The following ACER3 variants were observed in gnomAD, a reference collection of about 807,000 sequenced individuals.
The protein encoded by ACER3 is alkCDase 3.
In ACER3, 16 loss-of-function variants were observed where a neutral mutation model predicts 48.9. The observed-to-expected ratio is 0.33, with a 90% CI of 0.22 to 0.50. The LOEUF is 0.50. Ranked by LOEUF, ACER3 falls within the 20% of genes least tolerant of loss-of-function variation. The pLI, the probability that ACER3 is intolerant of heterozygous loss-of-function variation, is 0.98. For missense variants in ACER3, 227 were observed against 326.0 expected, an observed-to-expected ratio of 0.70 and a Z score of 2.34; for synonymous variants, 109 against 107.8, an observed-to-expected ratio of 1.01 and a Z score of -0.07.
Position 76,976,264 on chromosome 11 carries a change from T to C in ACER3, c.268-25T>C, listed in dbSNP as rs768514686. 8 of 1,567,262 alleles carry C rather than the reference T, an allele frequency of 5.1e-6. No homozygotes were observed. In the South Asian group the frequency reaches 9.1e-5, roughly 18 times the overall value. Reference sequence around the variant, plus strand: ...ATTGCTGCTCCATGATATTCAAGCCTGTTATCTATCTTTGTTTCTTACAGC... The same window carrying C: ...ATTGCTGCTCCATGATATTCAAGCCCGTTATCTATCTTTGTTTCTTACAGC... On this transcript the variant is annotated intron_variant, in intron 3 of 10. Transcript: ENST00000532485.
chr11:77,002,791 T>G (rs1949060016), intron 7 of ACER3, among the ~76,000 whole-genome samples: 1 of 152,196 alleles, frequency 6.6e-6, no homozygotes, highest in African/African-American at 2.4e-5. Context: ...CTGACACCTG[T>G]TACAACAGGG....
chr11:76,971,828 T>C (rs1948314771), intron 3 of ACER3, among the ~76,000 whole-genome samples: 1 of 152,090 alleles, frequency 6.6e-6, no homozygotes, highest in African/African-American at 2.4e-5. Context: ...AAAGAATAGA[T>C]GGTAGCCTTT....
At chr11:77,014,265 T>C (rs558465522) in intron 7 of ACER3, among the ~76,000 whole-genome samples, 278 of 152,374 alleles carry the variant, frequency 1.8e-3, no homozygotes, top group African/African-American at 6.4e-3. Context: ...ATTTTGTGTG[T>C]GGTATGTGTG....
intron 2 of ACER3, among the ~76,000 whole-genome samples, chr11:76,938,339 G>A (rs1034079793): frequency 1.3e-5 from 2 of 151,938 alleles, no homozygotes; most frequent in African/African-American, 4.8e-5. Flanking sequence ...TTTTTTTTGA[G>A]ACAGGGTCTT....
At chr11:77,002,459 T>C (rs188617827) in intron 7 of ACER3, among the ~76,000 whole-genome samples, 2 of 152,316 alleles carry the variant, frequency 1.3e-5, no homozygotes, top group East Asian at 3.9e-4. Flanking sequence ...AAACCTTACT[T>C]ATGTAATTCT....
chr11:77,003,459 T>C (rs1949075142), intron 7 of ACER3, among the ~76,000 whole-genome samples: 2 of 152,222 alleles, frequency 1.3e-5, no homozygotes, highest in Non-Finnish European at 2.9e-5. Flanking sequence ...CTTTCTTTTT[T>C]GGTCAGCCTT....
At chr11:76,887,342 T>C (rs1945697598) in intron 1 of ACER3, among the ~76,000 whole-genome samples, 1 of 152,052 alleles carries the variant, frequency 6.6e-6, no homozygotes, top group Non-Finnish European at 1.5e-5. Flanking sequence ...TAAAGATAGA[T>C]TGGTTTTAAG....
intron 5 of ACER3, among the ~76,000 whole-genome samples, chr11:76,986,501 A>G (rs950220132): frequency 2.0e-5 from 3 of 152,218 alleles, no homozygotes; most frequent in Admixed American, 2.0e-4. Context: ...ATTTGTAGAT[A>G]GCACTATTGT....
intron 1 of ACER3, among the ~76,000 whole-genome samples, chr11:76,900,052 G>C (rs1946040580): frequency 6.6e-6 from 1 of 152,206 alleles, no homozygotes; most frequent in African/African-American, 2.4e-5. Context: ...ATCAGGGCCA[G>C]GTGCAGTAGC....
chr11:76,958,953 AT>A (rs778377470), intron 2 of ACER3, 25 bp from the exon 3 acceptor site: 3 of 1,612,442 alleles, frequency 1.9e-6, no homozygotes, highest in Non-Finnish European at 2.5e-6. Context: ...TTTCATGCTA[AT>A]TTTTTTTCAT....
intron 1 of ACER3, among the ~76,000 whole-genome samples, chr11:76,913,590 A>T (rs1333657717): frequency 1.3e-5 from 2 of 152,160 alleles, no homozygotes; most frequent in African/African-American, 4.8e-5. Context: ...GCTCATGGGT[A>T]GGAAGAATCA....
At chr11:76,994,970 G>T (rs1276074486) in intron 6 of ACER3, among the ~76,000 whole-genome samples, 6 of 152,102 alleles carry the variant, frequency 3.9e-5, no homozygotes, top group African/African-American at 1.4e-4. Flanking sequence ...CTAGGGGCTG[G>T]AGGAAGGAAG....
At chr11:77,005,966 T>C (rs1267382604) in intron 7 of ACER3, among the ~76,000 whole-genome samples, 2 of 58,718 alleles carry the variant, frequency 3.4e-5, no homozygotes, top group African/African-American at 8.3e-5. Context: ...ATATTATATA[T>C]ATATACATAT....
intron 1 of ACER3, among the ~76,000 whole-genome samples, chr11:76,867,468 CAAAAAAA>C (rs1156610809): frequency 8.1e-4 from 16 of 19,660 alleles, no homozygotes; most frequent in African/African-American, 2.5e-3. Context: ...GACTCTGTCT[CAAAAAAA>C]AAAAAAAAAA....
Position 76,959,049 on chromosome 11 carries a change from T to A in ACER3, c.267+18T>A, listed in dbSNP as rs766872615. 27 of 1,613,694 alleles carry A rather than the reference T, an allele frequency of 1.7e-5. 1 individual carries two copies. The South Asian group carries it at 2.7e-4, about 16-fold the overall frequency. On this transcript the variant is annotated intron_variant, in intron 3 of 10. Coordinates refer to ENST00000532485, the MANE Select transcript of ACER3 (RefSeq NM_018367.7). Reference sequence around the variant, plus strand: ...AAATGCAGGTTAGTAATGATGAAATTGACAAATGCTTATTTCTCTTAATTC... The same window carrying A: ...AAATGCAGGTTAGTAATGATGAAATAGACAAATGCTTATTTCTCTTAATTC...
chr11:76,937,567 G>A (rs1458334824), intron 2 of ACER3, among the ~76,000 whole-genome samples: 2 of 152,200 alleles, frequency 1.3e-5, no homozygotes, highest in Non-Finnish European at 2.9e-5. Flanking sequence ...TGTTAAGTAA[G>A]TAAAAGATGA....
chr11:76,936,038 G>C (rs1490320574), intron 2 of ACER3, among the ~76,000 whole-genome samples: 1 of 152,156 alleles, frequency 6.6e-6, no homozygotes, highest in Non-Finnish European at 1.5e-5. Flanking sequence ...TTTTCATGCT[G>C]CTGATAAAGA....
chr11:77,013,889 G>A (rs570786223), intron 7 of ACER3, among the ~76,000 whole-genome samples: 47 of 152,156 alleles, frequency 3.1e-4, no homozygotes, highest in African/African-American at 1.0e-3. Flanking sequence ...AACAATAAAG[G>A]GAAATGAAGT....
At chr11:77,007,932 A>C (rs1555021371) in intron 7 of ACER3, among the ~76,000 whole-genome samples, 1 of 152,244 alleles carries the variant, frequency 6.6e-6, no homozygotes, top group Non-Finnish European at 1.5e-5. Context: ...AGCAAATTTC[A>C]AATTTCTCAC....
Sources: allele counts gnomAD v4.1 joint callset (sites outside exome capture counted in the v4.1 genomes callset), GRCh38; gene constraint gnomAD v4.1.1; transcripts MANE v1.5; gene names NCBI Gene and HGNC (gene_info 2026-07-23, HGNC 2026-07-21).